Variants in RNPC3 observed in about 807,000 individuals in gnomAD.
RNPC3 encodes the protein RNA-binding region-containing protein 3.
RNPC3 carries 48 observed loss-of-function variants against 67.5 expected under a neutral mutation model. That is an observed-to-expected ratio of 0.71 (90% CI 0.56 to 0.90). RNPC3 has a LOEUF of 0.90. Ranked by LOEUF, RNPC3 falls within the 40% of genes least tolerant of loss-of-function variation. The pLI, the probability that RNPC3 is intolerant of heterozygous loss-of-function variation, is 0.00. For missense variants in RNPC3, 637 were observed against 626.1 expected, an observed-to-expected ratio of 1.02 and a Z score of -0.19; for synonymous variants, 239 against 210.3, an observed-to-expected ratio of 1.14 and a Z score of -1.18.
At position 103,550,985 on chromosome 1, in the gene RNPC3, C is replaced by G. The variant is rs1166554367; in HGVS notation, c.1406C>G (p.Ala469Gly). Reference protein sequence around the residue: ...LMKEGRMKGQAFIGLPNEKAA... With the variant: ...LMKEGRMKGQGFIGLPNEKAA... Reference sequence around the variant, plus strand: ...AAAGAAGGTCGTATGAAAGGACAAGCTTTCATTGGACTTCCTAATGAAAAA... The same window carrying G: ...AAAGAAGGTCGTATGAAAGGACAAGGTTTCATTGGACTTCCTAATGAAAAA... The change falls in exon 13 of 15, where the codon GCT becomes GGT. Residue 469 changes from alanine (A) to glycine (G), a missense_variant. Ala to Gly is a moderately conservative substitution (Grantham distance 60). Transcript: ENST00000423855. The G allele has an allele frequency of 2.2e-5, 36 of 1,611,566 alleles. No individual in the cohort carries two copies. The highest frequency in any genetic ancestry group is 3.1e-5 in the Non-Finnish European group (36 of 1,179,462).
At chr1:103,527,059 C>G (rs1650736050) in intron 1 of RNPC3, among the ~76,000 whole-genome samples, 1 of 151,946 alleles carries the variant, frequency 6.6e-6, no homozygotes, top group Non-Finnish European at 1.5e-5. Flanking sequence ...TTAAGTACAT[C>G]AGGTCATCGT....
chr1:103,534,650 T>C, intron 3 of RNPC3, 124 bp from the exon 4 acceptor site: 1 of 110,042 alleles, frequency 9.1e-6, no homozygotes, highest in East Asian at 2.2e-4. Flanking sequence ...TACTTGAAAG[T>C]TTTTTTTTTT....
chr1:103,530,723 G>A (rs1650828877), intron 2 of RNPC3, among the ~76,000 whole-genome samples: 2 of 152,100 alleles, frequency 1.3e-5, no homozygotes, highest in South Asian at 4.2e-4. Flanking sequence ...GTAGAAACAG[G>A]GAAATCCGTT....
chr1:103,531,834 T>TA (rs1181520556), intron 2 of RNPC3, among the ~76,000 whole-genome samples: 1 of 152,162 alleles, frequency 6.6e-6, no homozygotes, highest in Non-Finnish European at 1.5e-5. Context: ...TTAGTTTAAT[T>TA]AAGTCCCATC....
At chr1:103,550,078 C>T (rs956988568) in intron 12 of RNPC3, among the ~76,000 whole-genome samples, 3 of 151,832 alleles carry the variant, frequency 2.0e-5, no homozygotes, top group Non-Finnish European at 2.9e-5. Flanking sequence ...GCAGGAGAAT[C>T]GCTTAAACCC....
At chr1:103,536,217 C>T in intron 6 of RNPC3, 23 bp downstream of exon 6, 3 of 1,513,694 alleles carry the variant, frequency 2.0e-6, no homozygotes, top group East Asian at 2.5e-5. Flanking sequence ...TTAGAATTTT[C>T]AAGTCAAAAT....
chr1:103,550,192 A>G (rs994938788), intron 12 of RNPC3, among the ~76,000 whole-genome samples: 3 of 151,852 alleles, frequency 2.0e-5, no homozygotes, highest in African/African-American at 7.3e-5. Context: ...AATAATAATA[A>G]TATAATGAAT....
At chr1:103,530,699 G>A (rs1280664489) in intron 2 of RNPC3, among the ~76,000 whole-genome samples, 2 of 152,202 alleles carry the variant, frequency 1.3e-5, no homozygotes, top group Non-Finnish European at 2.9e-5. Context: ...TGACTAGACT[G>A]AAGGGAGGGA....
At chr1:103,547,109 C>A in intron 12 of RNPC3, 74 bp downstream of exon 12, 1 of 786,342 alleles carries the variant, frequency 1.3e-6, no homozygotes, top group Non-Finnish European at 1.9e-6. Context: ...TATTTTAATC[C>A]CATCATTTTC....
At chr1:103,531,679 G>A (rs983897214) in intron 2 of RNPC3, among the ~76,000 whole-genome samples, 17 of 151,618 alleles carry the variant, frequency 1.1e-4, no homozygotes, top group Non-Finnish European at 2.5e-4. Flanking sequence ...TTAGCCCATG[G>A]GATTGTTTTT....
intron 1 of RNPC3, 28 bp downstream of exon 1, chr1:103,526,290 C>A: frequency 1.3e-6 from 2 of 1,496,412 alleles, no homozygotes; most frequent in Non-Finnish European, 1.8e-6. Context: ...CGGAGTCTCC[C>A]GGGAAGGCAT....
chr1:103,527,581 TC>T, intron 1 of RNPC3, 113 bp from the exon 2 acceptor site: 1 of 784,324 alleles, frequency 1.3e-6, no homozygotes, highest in South Asian at 1.6e-5. Flanking sequence ...TGAGTTTTCA[TC>T]CTTTCCCGTG....
intron 12 of RNPC3, among the ~76,000 whole-genome samples, chr1:103,549,964 G>A (rs1242522890): frequency 1.3e-5 from 2 of 151,642 alleles, no homozygotes; most frequent in Non-Finnish European, 2.9e-5. Context: ...AGGAGTTCAA[G>A]ACCAGCCTGG....
chr1:103,537,463 C>T lies in RNPC3; in HGVS notation c.746C>T (p.Thr249Ile), dbSNP rs1651013946. ...LSSEESEYES[T>I]DDEDRQRMNK... ...AGTGAAGAATCAGAATATGAAAGCACTGATGATGAGGACCGACAGAGGTTT... is the reference window on the plus strand; with the variant it reads ...AGTGAAGAATCAGAATATGAAAGCATTGATGATGAGGACCGACAGAGGTTT... The change falls in exon 7 of 15, where the codon ACT (threonine) becomes ATT (isoleucine). Residue 249 changes from threonine to isoleucine, a missense_variant. This residue lies in a region of RNPC3 where 536 missense variants were observed against 500.3 expected (regional missense o/e 1.07). Transcript: ENST00000423855. 2 of 1,536,270 alleles carry T rather than the reference C, an allele frequency of 1.3e-6. No individual in the cohort carries two copies. The highest frequency in any genetic ancestry group is 1.7e-6 in the Non-Finnish European group (2 of 1,146,580).
At chr1:103,550,854 G>C in intron 12 of RNPC3, 87 bp from the exon 13 acceptor site, 2 of 1,372,200 alleles carry the variant, frequency 1.5e-6, no homozygotes, top group East Asian at 4.6e-5. Flanking sequence ...ACTTTTATTT[G>C]AAATAGCAAA....
chr1:103,549,752 A>C (rs1042929603), intron 12 of RNPC3, among the ~76,000 whole-genome samples: 1 of 152,216 alleles, frequency 6.6e-6, no homozygotes, highest in East Asian at 1.9e-4. Flanking sequence ...GATCTTAGCT[A>C]TCTGCTTTGA....
intron 7 of RNPC3, among the ~76,000 whole-genome samples, chr1:103,539,258 C>T (rs1230265315): frequency 6.6e-6 from 1 of 152,182 alleles, no homozygotes; most frequent in Non-Finnish European, 1.5e-5. Flanking sequence ...CAAGCAGACT[C>T]TGAGCAACAT....
In RNPC3 at chr1:103,526,161, G is replaced by A. The variant is rs559208129; in HGVS notation, c.91G>A (p.Val31Ile). 2.8e-4 allele frequency: 427 copies of A among 1,551,538 alleles called. 6 individuals carry two copies. The South Asian group carries it at 4.8e-3, about 17-fold the overall frequency. Residue 31 changes from valine to isoleucine, a missense_variant, in exon 1 of 15, where the codon GTC becomes ATC. By Grantham distance (29) the Val-to-Ile change is conservative (BLOSUM62 3). Coordinates refer to ENST00000423855, the MANE Select transcript of RNPC3 (RefSeq NM_017619.4). Reference sequence around the variant, plus strand: ...GCCTCGGGGCGACCGAACCCTTCTGGTCAGGCACCTGCCGGCTGAGCTTAC... The same window carrying A: ...GCCTCGGGGCGACCGAACCCTTCTGATCAGGCACCTGCCGGCTGAGCTTAC... ...SPPRGDRTLL[V>I]RHLPAELTAE...
At chr1:103,551,829 A>C (rs556187826) in intron 14 of RNPC3, 37 bp downstream of exon 14, 1 of 1,041,930 alleles carries the variant, frequency 9.6e-7, no homozygotes, top group African/African-American at 1.7e-5. Flanking sequence ...AGACAAGACT[A>C]ATTCTTGAGA....
Sources: allele counts gnomAD v4.1 joint callset (sites outside exome capture counted in the v4.1 genomes callset), GRCh38; gene constraint gnomAD v4.1.1; regional missense constraint gnomAD v4.1.1; transcripts MANE v1.5; gene names NCBI Gene and HGNC (gene_info 2026-07-23, HGNC 2026-07-21).